Variants in MAGI2 observed in about 807,000 individuals in gnomAD.
MAGI2 encodes the protein membrane associated guanylate kinase, WW and PDZ domain containing 2.
Under a neutral mutation model 133.3 loss-of-function variants are expected in MAGI2, and 35 were observed. That is an observed-to-expected ratio of 0.26 (90% CI 0.20 to 0.35). MAGI2 has a LOEUF of 0.35. Ranked by LOEUF, MAGI2 falls within the 10% of genes least tolerant of loss-of-function variation. MAGI2 has a pLI of 1.00. For synonymous variants in MAGI2, 729 were observed against 710.6 expected, an observed-to-expected ratio of 1.03 and a Z score of -0.41; for missense variants, 1,636 against 1,863.4, an observed-to-expected ratio of 0.88 and a Z score of 2.25.
chr7:78,116,541 T>C (rs2189797), intron 20 of MAGI2, among the ~76,000 whole-genome samples: 14,855 of 152,156 alleles, frequency 0.098, 796 homozygotes, highest in African/African-American at 0.11. Context: ...ACCAGAACAG[T>C]AGTCAAATGA....
At chr7:78,999,426 G>A (rs140807139) in intron 2 of MAGI2, among the ~76,000 whole-genome samples, 1 of 151,600 alleles carries the variant, frequency 6.6e-6, no homozygotes, top group Non-Finnish European at 1.5e-5. Context: ...GCAACATTTT[G>A]AAGCCATTTA....
chr7:78,526,075 A>C (rs1796924471), intron 3 of MAGI2, among the ~76,000 whole-genome samples: 1 of 152,214 alleles, frequency 6.6e-6, no homozygotes, highest in South Asian at 2.1e-4. Flanking sequence ...TAAGACGTTA[A>C]ACTATTTCCT....
chr7:78,715,854 G>GTATTTATTTGTATTTTCT (rs60949855), intron 2 of MAGI2, among the ~76,000 whole-genome samples: 1 of 151,218 alleles, frequency 6.6e-6, no homozygotes, highest in African/African-American at 2.4e-5. Flanking sequence ...CAAAATATAA[G>GTATTTATTTGTATTTTCT]TCCTACACAG....
intron 1 of MAGI2, among the ~76,000 whole-genome samples, chr7:79,033,649 A>G (rs1305351489): frequency 6.6e-6 from 1 of 152,154 alleles, no homozygotes; most frequent in Non-Finnish European, 1.5e-5. Flanking sequence ...TCTATTGCTA[A>G]AATTAAGGGT....
In MAGI2 at chr7:78,881,732, C is replaced by CA. The variant is rs534193706; in HGVS notation, c.418+125357dup. 9.4e-4 allele frequency among the ~76,000 whole-genome samples: 142 copies of CA among 151,770 alleles called. 1 individual carries two copies. The South Asian group carries it at 0.012, about 12-fold the overall frequency. ...TAAACAACAAAGTTAAAGCAGAGAT[C>CA]AAAAAATTACTAGAAATAAATGAAA... On this transcript the variant is annotated intron_variant, in intron 2 of 21. Transcript: ENST00000354212.
intron 1 of MAGI2, among the ~76,000 whole-genome samples, chr7:79,329,349 C>T (rs761680952): frequency 3.3e-5 from 5 of 152,100 alleles, no homozygotes; most frequent in Non-Finnish European, 5.9e-5. Flanking sequence ...CATTGTAACA[C>T]GTAATAATTT....
chr7:79,141,416 T>C (rs1046213632), intron 1 of MAGI2, among the ~76,000 whole-genome samples: 4 of 152,138 alleles, frequency 2.6e-5, no homozygotes, highest in African/African-American at 9.7e-5. Context: ...CTTGTCTAAA[T>C]CCTCACCACC....
chr7:79,117,131 T>C (rs1468755099), intron 1 of MAGI2, among the ~76,000 whole-genome samples: 3 of 152,194 alleles, frequency 2.0e-5, no homozygotes, highest in African/African-American at 7.2e-5. Flanking sequence ...ATAATTTAAA[T>C]ATATATAATG....
intron 1 of MAGI2, among the ~76,000 whole-genome samples, chr7:79,211,282 A>C (rs1225979608): frequency 6.6e-6 from 1 of 151,666 alleles, no homozygotes; most frequent in Non-Finnish European, 1.5e-5. Context: ...CTTTCTTTTT[A>C]TTTATTTTTT....
intron 21 of MAGI2, among the ~76,000 whole-genome samples, chr7:78,071,617 G>A (rs1295285955): frequency 6.6e-6 from 1 of 152,144 alleles, no homozygotes; most frequent in East Asian, 1.9e-4. Context: ...ATGGTTAGCG[G>A]ATTTCCTGGG....
intron 6 of MAGI2, among the ~76,000 whole-genome samples, chr7:78,464,997 T>C (rs2151521934): frequency 6.6e-6 from 1 of 152,292 alleles, no homozygotes; most frequent in South Asian, 2.1e-4. Flanking sequence ...ATAATCAGTT[T>C]TCCTCATATT....
chr7:78,892,241 T>A lies in MAGI2; in HGVS notation c.418+114849A>T, dbSNP rs1305725997. 7.2e-5 allele frequency among the ~76,000 whole-genome samples: 11 copies of A among 152,146 alleles called. No homozygotes were observed. The East Asian group carries it at 1.2e-3, about 16-fold the overall frequency. On this transcript the variant is annotated intron_variant, in intron 2 of 21. Transcript: ENST00000354212. Reference sequence around the variant, plus strand: ...AACGAAATAAAAGAGGATACAAACATATGGAAGAACATTCCATGCTCATGG... The same window carrying A: ...AACGAAATAAAAGAGGATACAAACAAATGGAAGAACATTCCATGCTCATGG...
intron 1 of MAGI2, among the ~76,000 whole-genome samples, chr7:79,376,951 T>C (rs895219499): frequency 5.9e-5 from 9 of 151,872 alleles, no homozygotes; most frequent in African/African-American, 2.2e-4. Context: ...TAAGAAAATA[T>C]TCTTCTGCTT....
At chr7:78,435,883 C>T (rs1183139547) in intron 6 of MAGI2, among the ~76,000 whole-genome samples, 1 of 152,140 alleles carries the variant, frequency 6.6e-6, no homozygotes, top group African/African-American at 2.4e-5. Flanking sequence ...AAAAACACAT[C>T]CAAGTTGGTA....
chr7:79,082,556 C>G (rs749217430), intron 1 of MAGI2, among the ~76,000 whole-genome samples: 5 of 151,980 alleles, frequency 3.3e-5, no homozygotes, highest in Non-Finnish European at 5.9e-5. Context: ...TTTCTGGACC[C>G]CAAATTCTGT....
intron 21 of MAGI2, among the ~76,000 whole-genome samples, chr7:78,027,293 A>C (rs766036231): frequency 1.3e-5 from 2 of 152,188 alleles, no homozygotes; most frequent in Non-Finnish European, 2.9e-5. Context: ...CCTTGGACAC[A>C]GTCGCTATGA....
chr7:78,684,868 G>A (rs896494957), intron 2 of MAGI2, among the ~76,000 whole-genome samples: 1 of 152,088 alleles, frequency 6.6e-6, no homozygotes, highest in African/African-American at 2.4e-5. Context: ...ATTTCAGAAC[G>A]ATGGCAAATT....
At chr7:78,190,329 A>G (rs1477356615) in intron 12 of MAGI2, among the ~76,000 whole-genome samples, 1 of 152,214 alleles carries the variant, frequency 6.6e-6, no homozygotes, top group East Asian at 1.9e-4. Flanking sequence ...TCAGCCAAAT[A>G]AATTAGCTTG....
At chr7:79,191,901 T>G (rs1254053562) in intron 1 of MAGI2, among the ~76,000 whole-genome samples, 1 of 151,878 alleles carries the variant, frequency 6.6e-6, no homozygotes, top group African/African-American at 2.4e-5. Context: ...CATCTCTAAC[T>G]TCTTTCTGGC....
Sources: allele counts gnomAD v4.1 joint callset (sites outside exome capture counted in the v4.1 genomes callset), GRCh38; gene constraint gnomAD v4.1.1; transcripts MANE v1.5; gene names NCBI Gene and HGNC (gene_info 2026-07-23, HGNC 2026-07-21).